PTPRD: variants seen among roughly 807,000 people sequenced by gnomAD.
PTPRD encodes the protein receptor-type tyrosine-protein phosphatase delta.
PTPRD carries 34 observed loss-of-function variants against 214.5 expected under a neutral mutation model. That is an observed-to-expected ratio of 0.16 (90% CI 0.12 to 0.21). The LOEUF (loss-of-function observed/expected upper bound fraction) is 0.21, where lower values mean the gene tolerates loss of function less well. PTPRD is among the 10% of genes least tolerant of loss of function. The pLI is 1.00. For missense variants in PTPRD, 2,545 were observed against 2,398.7 expected (o/e 1.06, Z -1.27); for synonymous variants, 1,128 against 845.7 (o/e 1.33, Z -5.79).
intron 17 of PTPRD, 84 bp from the exon 18 acceptor site, chr9:8,525,119 A>G (rs1337096885): frequency 8.4e-7 from 1 of 1,188,386 alleles, no homozygotes; most frequent in Non-Finnish European, 1.3e-6. Context: ...TAACAATATG[A>G]AAAGCCCTGC....
chr9:10,391,970 T>A (rs1334888701), intron 2 of PTPRD, among the ~76,000 whole-genome samples: 1 of 151,844 alleles, frequency 6.6e-6, no homozygotes, highest in East Asian at 2.0e-4. Context: ...TCTGCTCAAA[T>A]GGTCACCTGT....
intron 44 of PTPRD, among the ~76,000 whole-genome samples, chr9:8,328,925 C>T (rs780660898): frequency 4.0e-5 from 6 of 150,142 alleles, no homozygotes; most frequent in Admixed American, 1.3e-4. Context: ...TTAGCAATTC[C>T]TCTAACCTTT....
rs150394684 is a variant in PTPRD, at chr9:10,223,267, A to G, written c.-545+117696T>C. ...TACTTCTGTTTCTTCTGTACCTTTTACCCTATTTTCCATTGCCTTTGTCCA... is the reference window on the plus strand; with the variant it reads ...TACTTCTGTTTCTTCTGTACCTTTTGCCCTATTTTCCATTGCCTTTGTCCA... On this transcript the variant is annotated intron_variant, in intron 3 of 45. Coordinates refer to ENST00000381196, the MANE Select transcript of PTPRD (RefSeq NM_002839.4). Among the ~76,000 whole-genome samples the G allele has an allele frequency of 4.7e-5, 7 of 148,538 alleles. No individual in the cohort carries two copies. The East Asian group carries it at 1.4e-3, about 30-fold the overall frequency.
intron 7 of PTPRD, among the ~76,000 whole-genome samples, chr9:9,671,125 G>A (rs893487605): frequency 6.6e-6 from 1 of 152,168 alleles, no homozygotes; most frequent in East Asian, 1.9e-4. Context: ...AGCCACAGGA[G>A]TGGAGCTGCC....
chr9:9,559,921 A>G (rs995028003), intron 8 of PTPRD, among the ~76,000 whole-genome samples: 1 of 152,174 alleles, frequency 6.6e-6, no homozygotes, highest in African/African-American at 2.4e-5. Context: ...ACCAGCTTCC[A>G]CAGCTGCCAA....
At chr9:8,537,139 T>A (rs960928794) in intron 14 of PTPRD, among the ~76,000 whole-genome samples, 1 of 152,016 alleles carries the variant, frequency 6.6e-6, no homozygotes, top group Non-Finnish European at 1.5e-5. Flanking sequence ...CAAAGTCAAT[T>A]TTCCTGTAAG....
At chr9:10,202,676 A>ATATG (rs2099432394) in intron 3 of PTPRD, among the ~76,000 whole-genome samples, 1 of 136,936 alleles carries the variant, frequency 7.3e-6, no homozygotes, top group African/African-American at 2.7e-5. Context: ...ATATGGATAT[A>ATATG]TATATATATA....
chr9:8,693,008 C>A (rs1010853845), intron 12 of PTPRD, among the ~76,000 whole-genome samples: 1 of 152,200 alleles, frequency 6.6e-6, no homozygotes. Flanking sequence ...TGTATACAGA[C>A]TGCATGTCCT....
At chr9:9,980,797 A>C (rs2095519017) in intron 4 of PTPRD, among the ~76,000 whole-genome samples, 1 of 152,000 alleles carries the variant, frequency 6.6e-6, no homozygotes, top group Non-Finnish European at 1.5e-5. Context: ...AAATTAATAG[A>C]TAATTAGGCA....
At chr9:8,958,470 C>T (rs1345582089) in intron 11 of PTPRD, among the ~76,000 whole-genome samples, 2 of 151,832 alleles carry the variant, frequency 1.3e-5, no homozygotes, top group Non-Finnish European at 2.9e-5. Flanking sequence ...ACCTTTTGCC[C>T]TAATCTCTGG....
At chr9:9,061,987 C>T (rs1274944819) in intron 10 of PTPRD, among the ~76,000 whole-genome samples, 1 of 151,978 alleles carries the variant, frequency 6.6e-6, no homozygotes, top group Non-Finnish European at 1.5e-5. Flanking sequence ...TAAAAGATGC[C>T]TCTGAACATG....
chr9:8,435,214 TGA>T (rs2095292967), intron 35 of PTPRD, among the ~76,000 whole-genome samples: 2 of 152,216 alleles, frequency 1.3e-5, no homozygotes, highest in South Asian at 4.1e-4. Flanking sequence ...TTTGAATATT[TGA>T]AGATTTTGGG....
At chr9:8,563,152 C>A (rs2087148119) in intron 14 of PTPRD, among the ~76,000 whole-genome samples, 1 of 152,036 alleles carries the variant, frequency 6.6e-6, no homozygotes, top group African/African-American at 2.4e-5. Flanking sequence ...ATTGTAGGAT[C>A]CCATTTATAT....
At chr9:8,709,776 T>C (rs955040395) in intron 12 of PTPRD, among the ~76,000 whole-genome samples, 1 of 151,960 alleles carries the variant, frequency 6.6e-6, no homozygotes, top group African/African-American at 2.4e-5. Context: ...CATAACCAAA[T>C]ACAGGAATCA....
intron 10 of PTPRD, among the ~76,000 whole-genome samples, chr9:9,174,149 C>T (rs1450365011): frequency 6.6e-6 from 1 of 151,988 alleles, no homozygotes; most frequent in African/African-American, 2.4e-5. Context: ...CCAAATAAAA[C>T]ATTACCAACA....
intron 5 of PTPRD, among the ~76,000 whole-genome samples, chr9:9,838,336 A>T (rs577914968): frequency 3.7e-4 from 56 of 152,170 alleles, no homozygotes; most frequent in African/African-American, 1.3e-3. Flanking sequence ...TCCCTGAGGA[A>T]TCGCCACACT....
At chr9:8,326,538 G>A (rs1457373529) in intron 44 of PTPRD, among the ~76,000 whole-genome samples, 2 of 151,362 alleles carry the variant, frequency 1.3e-5, no homozygotes, top group Non-Finnish European at 2.9e-5. Flanking sequence ...TTTCTTTTTT[G>A]TTGTGTCTCT....
Position 9,178,980 on chromosome 9 carries a change from G to T in PTPRD, c.-143+4324C>A, listed in dbSNP as rs187237652. Among the ~76,000 whole-genome samples the T allele has an allele frequency of 2.6e-5, 4 of 152,174 alleles. No homozygotes were observed. In the East Asian group the frequency reaches 7.7e-4, roughly 29 times the overall value. On this transcript the variant is annotated intron_variant, in intron 10 of 45. Transcript: ENST00000381196. ...AGACCTGAATATGTTCCTGCTACGT[G>T]TAATGCTAATTACTTCTTTACTAAA...
At chr9:10,018,099 T>C (rs2096761023) in intron 4 of PTPRD, among the ~76,000 whole-genome samples, 1 of 152,126 alleles carries the variant, frequency 6.6e-6, no homozygotes, top group South Asian at 2.1e-4. Flanking sequence ...ATTATTAGGT[T>C]ATGAAATCCC....
Sources: allele counts gnomAD v4.1 joint callset (sites outside exome capture counted in the v4.1 genomes callset), GRCh38; gene constraint gnomAD v4.1.1; transcripts MANE v1.5; gene names NCBI Gene and HGNC (gene_info 2026-07-23, HGNC 2026-07-21).